The following STARD9 variants were observed in gnomAD, a reference collection of about 807,000 sequenced individuals.
The protein encoded by STARD9 is stAR-related lipid transfer protein 9.
STARD9 carries 346 observed loss-of-function variants against 399.8 expected under a neutral mutation model. The ratio of observed to expected loss-of-function variants is 0.87; its 90% CI spans 0.79 to 0.95. The LOEUF is 0.95. STARD9 is among the 40% of genes least tolerant of loss of function. The probability of loss-of-function intolerance (pLI) is 0.00; values close to 1 mark genes in which losing one functional copy is unlikely to be tolerated. For missense variants in STARD9, 5,832 were observed against 5,667.5 expected, an observed-to-expected ratio of 1.03 and a Z score of -0.93; for synonymous variants, 2,203 against 2,143.5, an observed-to-expected ratio of 1.03 and a Z score of -0.77.
chr15:42,695,204 T>C lies in STARD9; in HGVS notation c.13027T>C (p.Tyr4343His), dbSNP rs1258079483. 1.3e-6 allele frequency: 2 copies of C among 1,537,174 alleles called. No individual in the cohort carries two copies. The highest frequency in any genetic ancestry group is 2.0e-5 in the Admixed American group (1 of 51,002). ...PSDIELMLQD[Y>H]QQAHEEAKVE... ...TGACATAGAGTTGATGCTGCAAGAC[T>C]ACCAGCAGGCCCATGAGGAGGCCAA... Residue 4343 changes from tyrosine to histidine, a missense_variant, in exon 25 of 33, where the codon TAC becomes CAC. Physicochemically the swap from Tyr to His is moderately conservative, Grantham distance 83. This residue lies in a region of STARD9 where 5,828 missense variants were observed against 5,651.1 expected (regional missense o/e 1.03). Coordinates refer to ENST00000290607, the MANE Select transcript of STARD9 (RefSeq NM_020759.3).
In STARD9 at chr15:42,692,810, C is replaced by T. The variant is rs2060744601; in HGVS notation, c.11232C>T (p.Thr3744=). 18 of 1,537,092 alleles carry T rather than the reference C, an allele frequency of 1.2e-5. No individual in the cohort carries two copies. The highest frequency in any genetic ancestry group is 3.6e-5 in the South Asian group (3 of 84,054). ...EGSQTDLTLP[T]LCLQTSEAEP... ...GCCAGACTGACCTCACCTTACCCACCCTGTGCCTCCAGACTTCAGAGGCTG... is the reference window on the plus strand; with the variant it reads ...GCCAGACTGACCTCACCTTACCCACTCTGTGCCTCCAGACTTCAGAGGCTG... Residue 3744 remains threonine, a synonymous_variant, in exon 23 of 33, where the codon ACC becomes ACT. Transcript: ENST00000290607.
At chr15:42,589,959 T>G (rs2058361850) in intron 3 of STARD9, among the ~76,000 whole-genome samples, 1 of 145,050 alleles carries the variant, frequency 6.9e-6, no homozygotes, top group African/African-American at 2.6e-5. Flanking sequence ...ATTCTTTTTT[T>G]TTTTTTTTTT....
chr15:42,675,980 G>GA lies in STARD9; in HGVS notation c.1874+8dup. 7.5e-7 allele frequency: 1 copy of GA among 1,331,872 alleles called. No individual in the cohort carries two copies. The highest frequency in any genetic ancestry group is 9.8e-7 in the Non-Finnish European group (1 of 1,019,080). The allele number at this position is 1,331,872 out of a possible 1,614,324, so 82.5% of individuals were successfully genotyped here. ...CCCTTTGCTTTGGAAGGAAAGGTAAGAAATAGCTGCTTATACTGATGTGGA... is the reference window on the plus strand; with the variant it reads ...CCCTTTGCTTTGGAAGGAAAGGTAAGAAAATAGCTGCTTATACTGATGTGGA... On this transcript the variant is annotated splice_donor_region_variant and intron_variant, in intron 20 of 32. Coordinates refer to ENST00000290607, the MANE Select transcript of STARD9 (RefSeq NM_020759.3).
At chr15:42,665,117 C>A in intron 13 of STARD9, 136 bp from the exon 14 acceptor site, 1 of 665,972 alleles carries the variant, frequency 1.5e-6, no homozygotes, top group Non-Finnish European at 2.5e-6. Context: ...GGTCCTGGGA[C>A]CACAACTTGA....
chr15:42,619,159 T>C (rs967622215), intron 3 of STARD9, among the ~76,000 whole-genome samples: 2 of 152,294 alleles, frequency 1.3e-5, no homozygotes, highest in Middle Eastern at 3.4e-3. Flanking sequence ...TATTTACACA[T>C]GCATAGATTC....
chr15:42,655,947 A>G (rs1338292949), intron 9 of STARD9, among the ~76,000 whole-genome samples: 1 of 152,230 alleles, frequency 6.6e-6, no homozygotes, highest in Non-Finnish European at 1.5e-5. Flanking sequence ...AAGAAGATAT[A>G]CAAATGGCAA....
intron 7 of STARD9, among the ~76,000 whole-genome samples, chr15:42,644,311 G>A (rs1044153150): frequency 6.6e-6 from 1 of 152,092 alleles, no homozygotes; most frequent in Non-Finnish European, 1.5e-5. Context: ...GGCTAACATG[G>A]TGAAACCCCG....
chr15:42,689,389 C>G lies in STARD9; in HGVS notation c.7811C>G (p.Ser2604Ter). 1 of 1,537,376 alleles carries G rather than the reference C, an allele frequency of 6.5e-7. No individual in the cohort carries two copies. Among genetic ancestry groups the G allele is most frequent in the Non-Finnish European group, 8.7e-7 (1 of 1,146,944 alleles). ...PQCKQIDQSS[S>*]DQTRNEGEAP... The stretch of plus-strand genomic sequence containing the variant: ...TGTAAACAAATAGACCAGTCATCAT[C>G]AGACCAGACCAGGAATGAGGGTGAA... Residue 2604 changes from serine (S) to a stop codon, truncating the protein, a stop_gained, in exon 23 of 33, where the codon TCA becomes TGA. Transcript: ENST00000290607. LOFTEE classifies it high-confidence loss of function.
chr15:42,609,863 C>T (rs1354015456), intron 3 of STARD9, among the ~76,000 whole-genome samples: 2 of 151,970 alleles, frequency 1.3e-5, no homozygotes, highest in Non-Finnish European at 1.5e-5. Flanking sequence ...GAGGCTGAGG[C>T]GGATGGATCA....
Position 42,581,511 on chromosome 15 carries a change from CT to C in STARD9, c.48-1832del, listed in dbSNP as rs1292086349. On this transcript the variant is annotated intron_variant, in intron 1 of 32. Coordinates refer to ENST00000290607, the MANE Select transcript of STARD9 (RefSeq NM_020759.3). ...CATGGCTGTGGACGCGGGCTCTGGG[CT>C]TTGTGTGGCGGGTAGGCGGCGGCGC... 11 of 1,445,538 alleles carry C rather than the reference CT, an allele frequency of 7.6e-6. 1 individual carries two copies. Among genetic ancestry groups the C allele is most frequent in the Non-Finnish European group, 1.0e-5 (11 of 1,052,416 alleles). The allele number at this position is 1,445,538 out of a possible 1,614,324, so 89.5% of individuals were successfully genotyped here.
At chr15:42,644,067 A>G (rs908360743) in intron 7 of STARD9, among the ~76,000 whole-genome samples, 7 of 152,256 alleles carry the variant, frequency 4.6e-5, no homozygotes, top group Non-Finnish European at 7.3e-5. Context: ...GTTTGATTCC[A>G]GACCACCACA....
chr15:42,622,338 G>GCTCTCTCTCTCC (rs1396241008), intron 3 of STARD9, among the ~76,000 whole-genome samples: 1 of 151,550 alleles, frequency 6.6e-6, no homozygotes, highest in Non-Finnish European at 1.5e-5. Context: ...CCTGTAGCTC[G>GCTCTCTCTCTCC]CTCTCTCTCT....
At chr15:42,672,520 T>C (rs186482580) in intron 16 of STARD9, 1 of 152,372 alleles carries the variant, frequency 6.6e-6, no homozygotes, top group East Asian at 1.9e-4. Context: ...ATGAAAAGTT[T>C]CGACCGTTTT....
intron 7 of STARD9, among the ~76,000 whole-genome samples, chr15:42,648,794 AATC>A (rs1326806191): frequency 2.0e-5 from 3 of 152,016 alleles, no homozygotes; most frequent in Non-Finnish European, 2.9e-5. Flanking sequence ...CTCTTATAAT[AATC>A]CTTCTATCCC....
At chr15:42,578,556 G>A (rs995100400) in intron 1 of STARD9, among the ~76,000 whole-genome samples, 1 of 151,492 alleles carries the variant, frequency 6.6e-6, no homozygotes, top group African/African-American at 2.4e-5. Context: ...CATCTGATCT[G>A]CCAATACTGT....
intron 1 of STARD9, among the ~76,000 whole-genome samples, chr15:42,578,038 A>G (rs1425576943): frequency 1.3e-5 from 2 of 152,104 alleles, no homozygotes; most frequent in Non-Finnish European, 2.9e-5. Context: ...GCTCTTTCTG[A>G]GATTACAGAA....
At position 42,583,380 on chromosome 15, in the gene STARD9, G is replaced by A; in HGVS notation, c.82G>A (p.Val28Ile). 2 of 1,537,278 alleles carry A rather than the reference G, an allele frequency of 1.3e-6. No individual in the cohort carries two copies. Among genetic ancestry groups the A allele is most frequent in the African/African-American group, 1.4e-5 (1 of 73,148 alleles). The change falls in exon 2 of 33, where the codon GTT becomes ATT. Residue 28 changes from valine (V) to isoleucine (I), a missense_variant. Transcript: ENST00000290607. The part of the protein sequence containing the change: ...TKEGGRIIVE[V>I]DGKVAKIRNL... Reference sequence around the variant, plus strand: ...AGAAGGGGGAAGAATTATTGTGGAAGTTGATGGCAAAGTGGCAAAAATCAG... The same window carrying A: ...AGAAGGGGGAAGAATTATTGTGGAAATTGATGGCAAAGTGGCAAAAATCAG...
At chr15:42,669,409 C>T (rs1381569902) in intron 16 of STARD9, 72 bp downstream of exon 16, 9 of 1,324,220 alleles carry the variant, frequency 6.8e-6, no homozygotes, top group Non-Finnish European at 9.2e-6. Context: ...AAGCTAGGAG[C>T]AGCAGCCATG....
chr15:42,711,510 A>G (rs1274797797), intron 26 of STARD9, among the ~76,000 whole-genome samples: 1 of 152,198 alleles, frequency 6.6e-6, no homozygotes, highest in African/African-American at 2.4e-5. Flanking sequence ...ACTATCTTAT[A>G]TTAACTTGGT....
Sources: gnomAD v4.1 joint callset for allele counts (sites outside exome capture counted in the v4.1 genomes callset) on GRCh38, gnomAD v4.1.1 for gene constraint, gnomAD v4.1.1 regional missense constraint, MANE v1.5 for transcripts, NCBI Gene and HGNC (gene_info 2026-07-23, HGNC 2026-07-21) for gene names.